The following STAG3 variants were observed in gnomAD, a reference collection of about 807,000 sequenced individuals.
The protein encoded by STAG3 is cohesin subunit SA-3.
STAG3 carries 101 observed loss-of-function variants against 160.7 expected under a neutral mutation model. The ratio of observed to expected loss-of-function variants is 0.63; its 90% CI spans 0.54 to 0.74. The LOEUF is 0.74. Ranked by LOEUF, STAG3 falls within the 30% of genes least tolerant of loss-of-function variation. STAG3 has a pLI of 0.00. For missense variants in STAG3, 1,188 were observed against 1,517.4 expected (o/e 0.78, Z 3.61); for synonymous variants, 519 against 585.0 (o/e 0.89, Z 1.63).
downstream of STAG3, chr7:100,218,850 C>T (rs1802997541): frequency 4.5e-6 from 1 of 224,102 alleles, no homozygotes; most frequent in Non-Finnish European, 8.9e-6. Context: ...ATTCACAAAA[C>T]GTGTCACTCA....
chr7:100,206,622 C>A (rs926922914), intron 29 of STAG3, among the ~76,000 whole-genome samples: 1 of 152,054 alleles, frequency 6.6e-6, no homozygotes, highest in Non-Finnish European at 1.5e-5. Context: ...CAGGCGTCCA[C>A]CACCACCCCC....
downstream of STAG3, chr7:100,218,411 C>T (rs953268608): frequency 1.9e-5 from 4 of 206,158 alleles, no homozygotes; most frequent in East Asian, 3.1e-4. Flanking sequence ...CAGCTTGTGC[C>T]CTCGGTCTCT....
At chr7:100,198,339 T>G in intron 12 of STAG3, 136 bp from the exon 13 acceptor site, 2 of 1,148,744 alleles carry the variant, frequency 1.7e-6, no homozygotes, top group Non-Finnish European at 2.6e-6. Flanking sequence ...CCCATACTCC[T>G]TTGTCTTCCG....
Position 100,199,572 on chromosome 7 carries a change from A to G in STAG3, c.1605A>G (p.Ile535Met). The G allele has an allele frequency of 6.2e-7, 1 of 1,604,338 alleles. No homozygotes were observed. The highest frequency in any genetic ancestry group is 1.1e-5 in the South Asian group (1 of 88,790). Reference protein sequence around the residue: ...NLGDVQESTLIEILVSSARQA... With the variant: ...NLGDVQESTLMEILVSSARQA... Reference sequence around the variant, plus strand: ...GTGATGTGCAGGAGAGCACACTGATAGAAATCCTTGTGTCCAGTGCCCGGC... The same window carrying G: ...GTGATGTGCAGGAGAGCACACTGATGGAAATCCTTGTGTCCAGTGCCCGGC... Residue 535 changes from isoleucine (I) to methionine (M), a missense_variant, in exon 16 of 34, where the codon ATA (isoleucine) becomes ATG (methionine). Around this residue, in one of 4 missense-constraint regions of STAG3, gnomAD observed 240 missense variants for 358.1 expected, o/e 0.67. Transcript: ENST00000615138.
At chr7:100,189,133 C>T in intron 7 of STAG3, 117 bp downstream of exon 7, 2 of 1,110,254 alleles carry the variant, frequency 1.8e-6, no homozygotes, top group Non-Finnish European at 2.6e-6. Context: ...CAAGGCCATG[C>T]CTCTTTTATC....
chr7:100,210,995 T>C lies in STAG3; in HGVS notation c.3239-16T>C, dbSNP rs553568781. 6.2e-7 allele frequency: 1 copy of C among 1,610,446 alleles called. No individual in the cohort carries two copies. The highest frequency in any genetic ancestry group is 1.3e-5 in the African/African-American group (1 of 74,890). The stretch of plus-strand genomic sequence containing the variant: ...CAGGCCCTGGGCTGTGGTTAATGTA[T>C]GCATCTGCTTGGCAGGGCCTGCCAA... On this transcript the variant is annotated splice_polypyrimidine_tract_variant and intron_variant, in intron 29 of 33. Transcript: ENST00000615138.
In STAG3 at chr7:100,202,302, T is replaced by C; in HGVS notation, c.2525T>C (p.Met842Thr). The C allele has an allele frequency of 1.2e-6, 2 of 1,614,186 alleles. No individual in the cohort carries two copies. The highest frequency in any genetic ancestry group is 1.6e-4 in the Middle Eastern group (1 of 6,062). Residue 842 changes from methionine to threonine, a missense_variant, in exon 24 of 34, where the codon ATG becomes ACG. Met to Thr is a moderately conservative substitution (Grantham distance 81, BLOSUM62 -1). Around this residue, in one of 4 missense-constraint regions of STAG3, gnomAD observed 647 missense variants for 717.2 expected, o/e 0.90. Transcript: ENST00000615138. The part of the protein sequence containing the change: ...TLQSELASFL[M>T]DHVFIQPGDL... The stretch of plus-strand genomic sequence containing the variant: ...CAGTCTGAGCTAGCCAGCTTCCTCA[T>C]GGACCACGTCTTCATCCAGCCGGGA...
downstream of STAG3, among the ~76,000 whole-genome samples, chr7:100,216,582 C>G (rs151199278): frequency 1.1e-3 from 165 of 152,144 alleles, 1 homozygote; most frequent in East Asian, 0.027. Context: ...GGGCAGATCA[C>G]GAGGTCAAGA....
Position 100,202,515 on chromosome 7 carries a change from C to T in STAG3, c.2625C>T (p.Ala875=), listed in dbSNP as rs142357413. The change falls in exon 25 of 34, where the codon GCC becomes GCT. Residue 875 remains alanine, a synonymous_variant. Coordinates refer to ENST00000615138, the MANE Select transcript of STAG3 (RefSeq NM_001282717.2). ...ERLHQRRRLL[A]GFCKLLLYGV... The stretch of plus-strand genomic sequence containing the variant: ...TACACCAGCGGCGCCGCCTCCTAGC[C>T]GGGTTCTGCAAGCTGTTGCTTTATG... 5.5e-5 allele frequency: 89 copies of T among 1,614,080 alleles called. 1 individual carries two copies. Among genetic ancestry groups the T allele is most frequent in the African/African-American group, 2.3e-4 (17 of 74,920 alleles).
Position 100,200,220 on chromosome 7 carries a change from G to A in STAG3, c.1678-16G>A. 1.2e-6 allele frequency: 2 copies of A among 1,603,894 alleles called. No homozygotes were observed. Among genetic ancestry groups the A allele is most frequent in the Non-Finnish European group, 1.7e-6 (2 of 1,174,722 alleles). The stretch of plus-strand genomic sequence containing the variant: ...TTCTTTACACCTCCCCCACCCCCAA[G>A]TGACTCTCATTCCAGGGCTTAACCT... On this transcript the variant is annotated splice_polypyrimidine_tract_variant and intron_variant, in intron 16 of 33. Transcript: ENST00000615138.
chr7:100,219,148 T>C (rs2117676277), downstream of STAG3: 1 of 152,828 alleles, frequency 6.5e-6, no homozygotes, highest in South Asian at 2.1e-4. Flanking sequence ...GTATCTTGTA[T>C]TGCTGGAGTA....
Position 100,211,115 on chromosome 7 carries a change from A to T in STAG3, c.3343A>T (p.Ser1115Cys). 1 of 1,610,016 alleles carries T rather than the reference A, an allele frequency of 6.2e-7. No homozygotes were observed. Among genetic ancestry groups the T allele is most frequent in the Non-Finnish European group, 8.5e-7 (1 of 1,178,188 alleles). The change falls in exon 30 of 34, where the codon AGC becomes TGC. Residue 1115 changes from serine to cysteine, a missense_variant. Coordinates refer to ENST00000615138, the MANE Select transcript of STAG3 (RefSeq NM_001282717.2). Reference sequence around the variant, plus strand: ...CACCCTCACCTCCACAGCTGTGAAGAGCAGGCAGCCCCTGTGGGGGTTGAA... The same window carrying T: ...CACCCTCACCTCCACAGCTGTGAAGTGCAGGCAGCCCCTGTGGGGGTTGAA... ...TPTLTSTAVK[S>C]RQPLWGLKEM...
chr7:100,213,978 G>A lies in STAG3; in HGVS notation c.3673-29G>A, dbSNP rs765501209. 6 of 1,614,072 alleles carry A rather than the reference G, an allele frequency of 3.7e-6. No individual in the cohort carries two copies. In the East Asian group the frequency reaches 8.9e-5, roughly 24 times the overall value. ...GCCCATTGGCCCGTTGCTGTGTCCTGTGTATTCCTTTCATCTTTCTCATTA... is the reference window on the plus strand; with the variant it reads ...GCCCATTGGCCCGTTGCTGTGTCCTATGTATTCCTTTCATCTTTCTCATTA... On this transcript the variant is annotated intron_variant, in intron 33 of 33. Coordinates refer to ENST00000615138, the MANE Select transcript of STAG3 (RefSeq NM_001282717.2).
At chr7:100,180,378 C>A (rs1245848089) in intron 1 of STAG3, 115 bp from the exon 2 acceptor site, 3 of 553,572 alleles carry the variant, frequency 5.4e-6, no homozygotes, top group Non-Finnish European at 9.8e-6. Context: ...AGTTTTTGGT[C>A]CCCCTCACCT....
Position 100,202,590 on chromosome 7 carries a change from G to T in STAG3, c.2700G>T (p.Lys900Asn). The T allele has an allele frequency of 6.2e-7, 1 of 1,612,334 alleles. No homozygotes were observed. Among genetic ancestry groups the T allele is most frequent in the South Asian group, 1.1e-5 (1 of 91,040 alleles). ...CAGATGTTTTCAAACACTACAACAA[G>T]GTACACCAAGGCCCTACAGAAATAA... is the stretch of plus-strand genomic sequence containing the variant. ...AASDVFKHYN[K>N]FYNDYGDIIK... is the part of the protein sequence containing the mutation. The change falls in exon 25 of 34, where the codon AAG (lysine) becomes AAT (asparagine). Residue 900 changes from lysine (K) to asparagine (N), a missense_variant and splice_region_variant. Around this residue, in one of 4 missense-constraint regions of STAG3, gnomAD observed 647 missense variants for 717.2 expected, o/e 0.90. Transcript: ENST00000615138.
chr7:100,196,935 A>C (rs1347438495), intron 9 of STAG3, among the ~76,000 whole-genome samples: 6 of 152,244 alleles, frequency 3.9e-5, no homozygotes, highest in East Asian at 1.9e-4. Context: ...GTTCAAGGCC[A>C]GCTTGGGCAA....
chr7:100,209,333 G>C (rs895927781), intron 29 of STAG3, among the ~76,000 whole-genome samples: 2 of 152,160 alleles, frequency 1.3e-5, no homozygotes, highest in Admixed American at 6.5e-5. Flanking sequence ...TATCAGAATA[G>C]CATACCAAAG....
chr7:100,186,147 T>C (rs1799986733), intron 4 of STAG3, 53 bp from the exon 5 acceptor site: 3 of 1,403,764 alleles, frequency 2.1e-6, no homozygotes, highest in Non-Finnish European at 3.0e-6. Flanking sequence ...ATATAGGATT[T>C]CTATTCTGTC....
chr7:100,201,549 G>A (rs1204701393), intron 21 of STAG3, 198 bp downstream of exon 21: 1 of 638,912 alleles, frequency 1.6e-6, no homozygotes, highest in Non-Finnish European at 2.7e-6. Context: ...GGATTTCCTG[G>A]AAGCCAAGGA....
Sources: gnomAD v4.1 joint callset for allele counts (sites outside exome capture counted in the v4.1 genomes callset) on GRCh38, gnomAD v4.1.1 for gene constraint, gnomAD v4.1.1 regional missense constraint, MANE v1.5 for transcripts, NCBI Gene and HGNC (gene_info 2026-07-23, HGNC 2026-07-21) for gene names.